The following CSMD1 variants were observed in gnomAD, a reference collection of about 807,000 sequenced individuals.
CSMD1 encodes CUB and sushi domain-containing protein 1.
CSMD1 carries 213 observed loss-of-function variants against 417.5 expected under a neutral mutation model. The ratio of observed to expected loss-of-function variants is 0.51; its 90% confidence interval spans 0.46 to 0.57. The LOEUF is 0.57. Ranked by LOEUF, CSMD1 falls within the 20% of genes least tolerant of loss-of-function variation. The probability of loss-of-function intolerance (pLI) is 0.00; values close to 1 mark genes in which losing one functional copy is unlikely to be tolerated. For missense variants in CSMD1, 6,923 were observed against 4,529.7 expected, an observed-to-expected ratio of 1.53 and a Z score of -15.17; for synonymous variants, 2,862 against 1,736.8, an observed-to-expected ratio of 1.65 and a Z score of -16.11.
At chr8:4,405,596 G>A (rs1246480321) in intron 3 of CSMD1, among the ~76,000 whole-genome samples, 9 of 152,160 alleles carry the variant, frequency 5.9e-5, no homozygotes, top group Non-Finnish European at 2.9e-5. Context: ...GAGTTTGTTT[G>A]TTGACAATCA....
At chr8:3,440,645 T>A (rs1339998616) in intron 12 of CSMD1, among the ~76,000 whole-genome samples, 9 of 152,208 alleles carry the variant, frequency 5.9e-5, no homozygotes, top group Admixed American at 5.9e-4. Context: ...GTTTCTCTTA[T>A]CCTTGCAATT....
intron 12 of CSMD1, among the ~76,000 whole-genome samples, chr8:3,467,036 G>A (rs138348997): frequency 6.2e-4 from 94 of 152,258 alleles, no homozygotes; most frequent in African/African-American, 2.2e-3. Flanking sequence ...GGCCATTCAC[G>A]TTTTTATGAC....
rs1456057173 is a variant in CSMD1 at position 3,365,943 on chromosome 8, T to C, written c.3115+1089A>G. 2.6e-5 allele frequency among the ~76,000 whole-genome samples: 4 copies of C among 152,224 alleles called. No homozygotes were observed. In the East Asian group the frequency reaches 7.7e-4, roughly 29 times the overall value. On this transcript the variant is annotated intron_variant, in intron 20 of 69. Transcript: ENST00000635120. ...ATATAAAAGTGGGGCAAGCAAACTT[T>C]CTACCAAGATCTTCAGTTTTGGTTT...
In CSMD1 at chr8:4,007,364, C is replaced by G. The variant is rs565190849; in HGVS notation, c.611-9254G>C. Among the ~76,000 whole-genome samples, 15 of 152,322 alleles carry G rather than the reference C, an allele frequency of 9.8e-5. No individual in the cohort carries two copies. The East Asian group carries it at 1.4e-3, about 14-fold the overall frequency. ...CCATTTCCTCTTTTCCTCACTGGGT[C>G]TAGCCACACTGCTTCCTGGGGCCAG... On this transcript the variant is annotated intron_variant, in intron 4 of 69. Transcript: ENST00000635120.
chr8:3,298,475 A>G (rs937868151), intron 25 of CSMD1, among the ~76,000 whole-genome samples: 1 of 152,162 alleles, frequency 6.6e-6, no homozygotes, highest in East Asian at 1.9e-4. Context: ...TCTTTTTTAG[A>G]CAGAGTCTTG....
chr8:4,134,478 T>C (rs1031468022), intron 3 of CSMD1, among the ~76,000 whole-genome samples: 1 of 152,188 alleles, frequency 6.6e-6, no homozygotes, highest in Non-Finnish European at 1.5e-5. Flanking sequence ...CCAAACCTGC[T>C]ATCACTTTGA....
At chr8:4,217,006 G>C (rs1384502764) in intron 3 of CSMD1, among the ~76,000 whole-genome samples, 2 of 152,082 alleles carry the variant, frequency 1.3e-5, no homozygotes, top group Non-Finnish European at 2.9e-5. Flanking sequence ...AACTAGAATT[G>C]TCTTGTGTCT....
At chr8:4,578,951 T>G (rs1169768890) in intron 2 of CSMD1, among the ~76,000 whole-genome samples, 1 of 151,996 alleles carries the variant, frequency 6.6e-6, no homozygotes, top group Non-Finnish European at 1.5e-5. Flanking sequence ...TACATTTAAT[T>G]AAAATGATTA....
At chr8:4,262,385 C>T (rs1803949489) in intron 3 of CSMD1, among the ~76,000 whole-genome samples, 1 of 152,126 alleles carries the variant, frequency 6.6e-6, no homozygotes, top group Admixed American at 6.5e-5. Flanking sequence ...GAAAGGAATC[C>T]CAAACCAGAA....
intron 5 of CSMD1, among the ~76,000 whole-genome samples, chr8:3,872,618 C>G (rs1391354763): frequency 6.6e-6 from 1 of 152,110 alleles, no homozygotes; most frequent in Non-Finnish European, 1.5e-5. Context: ...ATGTCAGTTT[C>G]CACAATCCAT....
At chr8:3,828,738 G>C (rs888908817) in intron 5 of CSMD1, among the ~76,000 whole-genome samples, 1 of 152,102 alleles carries the variant, frequency 6.6e-6, no homozygotes, top group Non-Finnish European at 1.5e-5. Context: ...CCTCACCAGA[G>C]AGACCTTACT....
chr8:2,952,868 T>A (rs1349887988), intron 65 of CSMD1, among the ~76,000 whole-genome samples: 1 of 152,156 alleles, frequency 6.6e-6, no homozygotes, highest in Admixed American at 6.5e-5. Context: ...CCACGAGTCA[T>A]GTGGCAGAGG....
At chr8:4,753,103 G>C (rs888916770) in intron 1 of CSMD1, among the ~76,000 whole-genome samples, 32 of 152,160 alleles carry the variant, frequency 2.1e-4, no homozygotes, top group African/African-American at 7.7e-4. Context: ...TGCTATTTTT[G>C]GAAACATTTT....
intron 1 of CSMD1, among the ~76,000 whole-genome samples, chr8:4,946,892 A>T (rs1808406783): frequency 7.0e-6 from 1 of 143,406 alleles, no homozygotes; most frequent in South Asian, 2.6e-4. Flanking sequence ...TAATCAGAAA[A>T]TATATGTTTC....
intron 26 of CSMD1, among the ~76,000 whole-genome samples, chr8:3,233,953 T>C (rs761741805): frequency 1.2e-4 from 18 of 152,222 alleles, no homozygotes; most frequent in Non-Finnish European, 2.4e-4. Context: ...CGCCGGCGGT[T>C]GTGAGTTGCA....
At chr8:3,377,769 G>C (rs7845344) in intron 18 of CSMD1, among the ~76,000 whole-genome samples, 18,186 of 152,188 alleles carry the variant, frequency 0.12, 1,130 homozygotes, top group Non-Finnish European at 0.14. Context: ...GTTAAGGGCT[G>C]TACTTTCCAT....
chr8:3,797,836 A>G (rs1800243224), intron 5 of CSMD1, among the ~76,000 whole-genome samples: 1 of 152,102 alleles, frequency 6.6e-6, no homozygotes, highest in South Asian at 2.1e-4. Flanking sequence ...AGCACTAACG[A>G]TTGTTCTAAG....
intron 1 of CSMD1, among the ~76,000 whole-genome samples, chr8:4,750,159 C>G (rs1047666827): frequency 2.6e-5 from 4 of 152,058 alleles, no homozygotes; most frequent in Non-Finnish European, 5.9e-5. Flanking sequence ...GCGCCCGCCA[C>G]CACGCCCGGC....
At chr8:3,758,268 A>G (rs1797780962) in intron 5 of CSMD1, among the ~76,000 whole-genome samples, 1 of 152,202 alleles carries the variant, frequency 6.6e-6, no homozygotes, top group Non-Finnish European at 1.5e-5. Context: ...TCAGCCTTGC[A>G]CAGATTCCTT....
Sources: gnomAD v4.1 joint callset for allele counts (sites outside exome capture counted in the v4.1 genomes callset) on GRCh38, gnomAD v4.1.1 for gene constraint, MANE v1.5 for transcripts, NCBI Gene and HGNC (gene_info 2026-07-23, HGNC 2026-07-21) for gene names.